CACNA1H: variants seen among roughly 807,000 people sequenced by gnomAD.
The protein encoded by CACNA1H is calcium voltage-gated channel subunit alpha1 H.
Under a neutral mutation model 192.5 loss-of-function variants are expected in CACNA1H, and 149 were observed. The observed-to-expected ratio is 0.77, with a 90% CI of 0.68 to 0.89. The LOEUF (loss-of-function observed/expected upper bound fraction) is 0.89, where lower values mean the gene tolerates loss of function less well. Ranked by LOEUF, CACNA1H falls within the 40% of genes least tolerant of loss-of-function variation. CACNA1H has a pLI of 0.00. For missense variants in CACNA1H, 4,257 were observed against 3,423.5 expected (o/e 1.24, Z -6.08); for synonymous variants, 2,202 against 1,475.2 (o/e 1.49, Z -11.29).
At chr16:1,211,013 C>T (rs1329067214) in intron 21 of CACNA1H, 42 bp downstream of exon 21, 2 of 1,578,242 alleles carry the variant, frequency 1.3e-6, no homozygotes, top group East Asian at 2.2e-5. Context: ...CCTGGAAGCA[C>T]AGTCCCCTGA....
In CACNA1H at chr16:1,200,586, G is replaced by A; in HGVS notation, c.1119+15G>A. 1 of 1,610,842 alleles carries A rather than the reference G, an allele frequency of 6.2e-7. No homozygotes were observed. The highest frequency in any genetic ancestry group is 1.3e-5 in the African/African-American group (1 of 75,032). ...CCATCTTCCAGGTGGGCGGCAAGAT[G>A]GTGGGACGGGGACCCTGGGGCACGG... On this transcript the variant is annotated intron_variant, in intron 7 of 34. Transcript: ENST00000348261.
Position 1,215,517 on chromosome 16 carries a change from C to T in CACNA1H, c.5174-6C>T. The T allele has an allele frequency of 1.2e-6, 2 of 1,610,756 alleles. No homozygotes were observed. Among genetic ancestry groups the T allele is most frequent in the East Asian group, 2.2e-5 (1 of 44,838 alleles). On this transcript the variant is annotated splice_polypyrimidine_tract_variant and splice_region_variant and intron_variant, in intron 29 of 34. Coordinates refer to ENST00000348261, the MANE Select transcript of CACNA1H (RefSeq NM_021098.3). ...AGCCCTGCTGACGCTCAGCTCCCGGCCCTAGTGCTGAAGCTGCTGAAGATG... is the reference window on the plus strand; with the variant it reads ...AGCCCTGCTGACGCTCAGCTCCCGGTCCTAGTGCTGAAGCTGCTGAAGATG...
chr16:1,208,666 G>A (rs1969051400), intron 16 of CACNA1H, among the ~76,000 whole-genome samples: 1 of 152,192 alleles, frequency 6.6e-6, no homozygotes, highest in South Asian at 2.1e-4. Flanking sequence ...CAGACACGGA[G>A]GATGGGAGTG....
rs1248194450 is a variant in CACNA1H at position 1,153,322 on chromosome 16, G to A, written c.-167G>A. On this transcript the variant is annotated 5_prime_UTR_variant, in exon 1 of 35. Transcript: ENST00000348261. The stretch of plus-strand genomic sequence containing the variant: ...CGGGAGCCGGGCGGGCTGGGGACGC[G>A]GGCCGGGGGCGGAGGCGCTGGGGGC... 9.9e-6 allele frequency: 1 copy of A among 101,270 alleles called. No homozygotes were observed. Among genetic ancestry groups the A allele is most frequent in the Non-Finnish European group, 2.4e-5 (1 of 41,092 alleles). 6.3% of individuals were successfully genotyped at this position (101,270 alleles called of 1,614,324 possible). A position where few individuals can be genotyped will look rare whatever the true frequency, so the allele number is the denominator to read the frequency against.
rs541394188 is a variant in CACNA1H, at chr16:1,218,971, C to T, written c.5889C>T (p.Gly1963=). ...METYGAGTPL[G]SVASVHSPPA... ...AGCTTAGATTCTTCCCTGCCCCAGG[C>T]TCCGTTGCCTCTGTGCACTCTCCGC... Residue 1963 remains glycine (G), a splice_region_variant and synonymous_variant, in exon 34 of 35, where the codon GGC becomes GGT. Coordinates refer to ENST00000348261, the MANE Select transcript of CACNA1H (RefSeq NM_021098.3). The T allele has an allele frequency of 6.5e-7, 1 of 1,550,042 alleles. No homozygotes were observed. Among genetic ancestry groups the T allele is most frequent in the South Asian group, 1.2e-5 (1 of 84,056 alleles).
chr16:1,211,335 G>C (rs1292495329), intron 22 of CACNA1H, 41 bp downstream of exon 22: 1 of 1,611,514 alleles, frequency 6.2e-7, no homozygotes, highest in Non-Finnish European at 8.5e-7. Flanking sequence ...CCCCGTCGCA[G>C]ACAGGGTCTG....
At chr16:1,203,821 T>C (rs1968307028) in intron 9 of CACNA1H, among the ~76,000 whole-genome samples, 189 bp from the exon 10 acceptor site, 6 of 152,230 alleles carry the variant, frequency 3.9e-5, no homozygotes, top group Admixed American at 3.9e-4. Flanking sequence ...TCATTCCTCA[T>C]TGTAACCCAT....
intron 2 of CACNA1H, among the ~76,000 whole-genome samples, chr16:1,173,977 G>A (rs552947736): frequency 4.6e-5 from 7 of 152,322 alleles, no homozygotes; most frequent in Admixed American, 4.6e-4. Flanking sequence ...CACGTCACGT[G>A]GGGCTGTGGG....
chr16:1,199,708 C>A (rs1034566359), intron 6 of CACNA1H, among the ~76,000 whole-genome samples: 1 of 150,648 alleles, frequency 6.6e-6, no homozygotes, highest in Non-Finnish European at 1.5e-5. Flanking sequence ...CCCCGAGTCT[C>A]CCCTCAGCCT....
In CACNA1H at chr16:1,210,467, A is replaced by C. The variant is rs2141339526; in HGVS notation, c.3943A>C (p.Arg1315=). 6.2e-7 allele frequency: 1 copy of C among 1,611,932 alleles called. No homozygotes were observed. Among genetic ancestry groups the C allele is most frequent in the South Asian group, 1.1e-5 (1 of 91,042 alleles). ...CAACTGCGTCACCATCGCCCTGGAGAGGCCTGACATTGATCCCGGCAGCAC... is the reference window on the plus strand; with the variant it reads ...CAACTGCGTCACCATCGCCCTGGAGCGGCCTGACATTGATCCCGGCAGCAC... The part of the protein sequence containing the change: ...FLNCVTIALE[R]PDIDPGSTER... Residue 1315 remains arginine, a synonymous_variant, in exon 19 of 35, where the codon AGG becomes CGG. Coordinates refer to ENST00000348261, the MANE Select transcript of CACNA1H (RefSeq NM_021098.3).
At chr16:1,172,546 C>T (rs994603592) in intron 2 of CACNA1H, among the ~76,000 whole-genome samples, 1 of 152,200 alleles carries the variant, frequency 6.6e-6, no homozygotes, top group Admixed American at 6.5e-5. Context: ...GTGGAGGGAA[C>T]CCCGAGGCGT....
intron 2 of CACNA1H, among the ~76,000 whole-genome samples, chr16:1,161,894 G>C (rs935644867): frequency 6.6e-6 from 1 of 152,150 alleles, no homozygotes; most frequent in Non-Finnish European, 1.5e-5. Flanking sequence ...CTGGTCGGAC[G>C]CGTTAATGGA....
intron 2 of CACNA1H, among the ~76,000 whole-genome samples, chr16:1,171,464 G>A (rs556009375): frequency 2.0e-5 from 3 of 152,236 alleles, no homozygotes; most frequent in Non-Finnish European, 4.4e-5. Flanking sequence ...AGTCTGCAGA[G>A]CCTGGAGCCC....
intron 2 of CACNA1H, among the ~76,000 whole-genome samples, chr16:1,176,690 CG>C (rs1964923799): frequency 6.6e-6 from 1 of 152,186 alleles, no homozygotes. Flanking sequence ...GTCCGGGGGC[CG>C]GCTGGGCACC....
Position 1,178,821 on chromosome 16 carries a change from G to A in CACNA1H, c.300-16151G>A, listed in dbSNP as rs74004851. Among the ~76,000 whole-genome samples the A allele has an allele frequency of 4.0e-3, 613 of 152,356 alleles. 2 individuals are homozygous for A. Among genetic ancestry groups the A allele is most frequent in the African/African-American group, 0.014 (577 of 41,586 alleles). On this transcript the variant is annotated intron_variant, in intron 2 of 34. Transcript: ENST00000348261. ...CGGGGTTGGGGTGAAGAGATGTGGC[G>A]GAGTGGCCGGGGCAGGCAGGTGTGG... is the stretch of plus-strand genomic sequence containing the variant.
intron 2 of CACNA1H, among the ~76,000 whole-genome samples, chr16:1,184,272 T>G (rs1163149159): frequency 6.6e-6 from 1 of 152,258 alleles, no homozygotes; most frequent in Non-Finnish European, 1.5e-5. Flanking sequence ...CAGCAAGCAC[T>G]GAGTCCTTGA....
chr16:1,176,198 T>C (rs11861917), intron 2 of CACNA1H, among the ~76,000 whole-genome samples: 16,259 of 152,248 alleles, frequency 0.11, 2,439 homozygotes, highest in African/African-American at 0.34. Flanking sequence ...AGATGCTGTG[T>C]GGTTAGAGAT....
chr16:1,211,059 T>G, intron 21 of CACNA1H, 88 bp downstream of exon 21: 1 of 1,554,596 alleles, frequency 6.4e-7, no homozygotes, highest in Admixed American at 1.7e-5. Flanking sequence ...AGTCCTGGGC[T>G]GTTCGCAGGC....
intron 34 of CACNA1H, among the ~76,000 whole-genome samples, 199 bp from the exon 35 acceptor site, chr16:1,219,782 G>A (rs897218470): frequency 5.8e-5 from 5 of 86,004 alleles, no homozygotes; most frequent in Non-Finnish European, 6.8e-5. Context: ...GGCTTTCCCC[G>A]GGAGCCTCAC....
Sources: gnomAD v4.1 joint callset for allele counts (sites outside exome capture counted in the v4.1 genomes callset) on GRCh38, gnomAD v4.1.1 for gene constraint, MANE v1.5 for transcripts, NCBI Gene and HGNC (gene_info 2026-07-23, HGNC 2026-07-21) for gene names.